The following MAML2 variants were observed in gnomAD, a reference collection of about 807,000 sequenced individuals.
The protein encoded by MAML2 is mastermind like transcriptional coactivator 2, also known as mastermind-like protein 2.
A neutral mutation model predicts 96.1 loss-of-function variants in MAML2; 22 were observed. That is an observed-to-expected ratio of 0.23 (90% CI 0.16 to 0.33). MAML2 has a LOEUF of 0.33. Ranked by LOEUF, MAML2 falls within the 10% of genes least tolerant of loss-of-function variation. MAML2 has a pLI of 1.00. For synonymous variants in MAML2, 561 were observed against 521.3 expected (o/e 1.08, Z -1.04); for missense variants, 1,367 against 1,392.4 (o/e 0.98, Z 0.29).
chr11:96,325,831 C>A (rs994639778), intron 1 of MAML2, among the ~76,000 whole-genome samples: 8 of 152,188 alleles, frequency 5.3e-5, no homozygotes, highest in African/African-American at 1.7e-4. Context: ...GCCAAAGTAG[C>A]ACACAGCCTG....
At chr11:96,220,770 T>C (rs1862124833) in intron 1 of MAML2, among the ~76,000 whole-genome samples, 1 of 152,130 alleles carries the variant, frequency 6.6e-6, no homozygotes, top group Non-Finnish European at 1.5e-5. Flanking sequence ...AAGTTTCAAA[T>C]ACATCCTCTG....
chr11:96,332,705 CTT>C (rs1259299632), intron 1 of MAML2, among the ~76,000 whole-genome samples: 2 of 152,210 alleles, frequency 1.3e-5, no homozygotes, highest in African/African-American at 4.8e-5. Flanking sequence ...ATGCGCAAGA[CTT>C]AGCCGGTTTA....
intron 1 of MAML2, among the ~76,000 whole-genome samples, chr11:96,124,821 A>C (rs1187385247): frequency 6.6e-6 from 1 of 152,200 alleles, no homozygotes; most frequent in African/African-American, 2.4e-5. Context: ...ATGTAGAACG[A>C]GGAATCAAAT....
At chr11:96,214,816 C>A (rs1431036212) in intron 1 of MAML2, among the ~76,000 whole-genome samples, 1 of 152,196 alleles carries the variant, frequency 6.6e-6, no homozygotes, top group Admixed American at 6.5e-5. Context: ...ACCCTTTCCT[C>A]AAGTTCTTAA....
At chr11:95,988,860 T>C in intron 3 of MAML2, among the ~76,000 whole-genome samples, 1 of 152,162 alleles carries the variant, frequency 6.6e-6, no homozygotes, top group East Asian at 1.9e-4. Context: ...ATTTATGAAC[T>C]AATATCTAAT....
intron 1 of MAML2, among the ~76,000 whole-genome samples, chr11:96,106,619 G>A (rs1357330977): frequency 6.6e-6 from 1 of 152,158 alleles, no homozygotes; most frequent in Non-Finnish European, 1.5e-5. Context: ...TGTTGCTTGA[G>A]TCTGCTTAAA....
At chr11:96,011,789 T>C (rs991286494) in intron 2 of MAML2, among the ~76,000 whole-genome samples, 1 of 152,226 alleles carries the variant, frequency 6.6e-6, no homozygotes, top group African/African-American at 2.4e-5. Context: ...AATGGAATTT[T>C]TTTTCTTAGC....
intron 1 of MAML2, among the ~76,000 whole-genome samples, chr11:96,149,099 G>A (rs1394645939): frequency 3.3e-5 from 5 of 152,020 alleles, no homozygotes; most frequent in East Asian, 1.9e-4. Context: ...CCTCATCCAC[G>A]GTATCACAGA....
At chr11:96,319,456 G>C (rs1455506410) in intron 1 of MAML2, among the ~76,000 whole-genome samples, 1 of 152,186 alleles carries the variant, frequency 6.6e-6, no homozygotes, top group Admixed American at 6.5e-5. Context: ...AATTAATCTT[G>C]TCATGTTATT....
Position 96,169,293 on chromosome 11 carries a change from TC to T in MAML2, c.514-75777del, listed in dbSNP as rs1306172679. ...GTGCCAGCTCCACTGTGCATCCTTA[TC>T]CAGCACTCAGCTGTAACAGGAATGA... is the stretch of plus-strand genomic sequence containing the variant. On this transcript the variant is annotated intron_variant, in intron 1 of 4. Transcript: ENST00000524717. Among the ~76,000 whole-genome samples, 9 of 152,338 alleles carry T rather than the reference TC, an allele frequency of 5.9e-5. No homozygotes were observed. In the East Asian group the frequency reaches 1.7e-3, roughly 29 times the overall value.
intron 1 of MAML2, among the ~76,000 whole-genome samples, chr11:96,285,963 C>A (rs1158798159): frequency 6.6e-6 from 1 of 152,120 alleles, no homozygotes; most frequent in African/African-American, 2.4e-5. Context: ...ACCCAGCAAT[C>A]CCGTTACTGG....
At chr11:96,034,706 A>G (rs1231682366) in intron 2 of MAML2, among the ~76,000 whole-genome samples, 5 of 152,246 alleles carry the variant, frequency 3.3e-5, no homozygotes, top group Non-Finnish European at 5.9e-5. Context: ...AAAATCATTT[A>G]GCATCACGAG....
At chr11:96,205,866 T>C (rs1591071877) in intron 1 of MAML2, among the ~76,000 whole-genome samples, 3 of 152,230 alleles carry the variant, frequency 2.0e-5, no homozygotes, top group African/African-American at 7.2e-5. Flanking sequence ...TTACAGCTAA[T>C]ACAGTTGAGC....
intron 1 of MAML2, among the ~76,000 whole-genome samples, chr11:96,123,677 G>A (rs564160010): frequency 6.6e-6 from 1 of 152,322 alleles, no homozygotes; most frequent in South Asian, 2.1e-4. Context: ...AAGGGAATTA[G>A]CAGCCACTGC....
At chr11:96,171,495 C>T (rs1242634920) in intron 1 of MAML2, among the ~76,000 whole-genome samples, 1 of 152,166 alleles carries the variant, frequency 6.6e-6, no homozygotes, top group Non-Finnish European at 1.5e-5. Flanking sequence ...CAGTAAAATG[C>T]TTGCATGTGA....
intron 1 of MAML2, among the ~76,000 whole-genome samples, chr11:96,326,194 A>G (rs1295012823): frequency 6.7e-6 from 1 of 150,244 alleles, no homozygotes; most frequent in African/African-American, 2.5e-5. Context: ...GGCACTCAAC[A>G]TCTGTAACCC....
intron 4 of MAML2, among the ~76,000 whole-genome samples, chr11:95,983,249 T>A (rs1238662689): frequency 6.6e-6 from 1 of 152,108 alleles, no homozygotes; most frequent in Non-Finnish European, 1.5e-5. Flanking sequence ...TTTGTGTGTG[T>A]TTGTGTCTTA....
chr11:95,988,223 C>T (rs1005238534), intron 3 of MAML2, among the ~76,000 whole-genome samples: 1 of 151,192 alleles, frequency 6.6e-6, no homozygotes, highest in Non-Finnish European at 1.5e-5. Flanking sequence ...TATTGTAAAC[C>T]TGGATTTATT....
intron 1 of MAML2, among the ~76,000 whole-genome samples, chr11:96,216,259 C>T (rs1213198201): frequency 6.6e-6 from 1 of 152,172 alleles, no homozygotes; most frequent in African/African-American, 2.4e-5. Context: ...AACCTAAACC[C>T]TCCATTCATA....
Sources: gnomAD v4.1 joint callset for allele counts (sites outside exome capture counted in the v4.1 genomes callset) on GRCh38, gnomAD v4.1.1 for gene constraint, MANE v1.5 for transcripts, NCBI Gene and HGNC (gene_info 2026-07-23, HGNC 2026-07-21) for gene names.